HS3ST4: variants seen among roughly 807,000 people sequenced by gnomAD.
The protein encoded by HS3ST4 is heparan sulfate-glucosamine 3-sulfotransferase 4.
A neutral mutation model predicts 29.2 loss-of-function variants in HS3ST4; 17 were observed. That is an observed-to-expected ratio of 0.58 (90% CI 0.40 to 0.87). The LOEUF is 0.87. Among genes scored for constraint, HS3ST4 ranks in the 40% least tolerant of loss-of-function variants. The pLI is 0.00. For synonymous variants in HS3ST4, 314 were observed against 285.7 expected, an observed-to-expected ratio of 1.10 and a Z score of -1.00; for missense variants, 627 against 634.5, an observed-to-expected ratio of 0.99 and a Z score of 0.13.
chr16:25,709,383 T>G (rs1966400627), intron 1 of HS3ST4, among the ~76,000 whole-genome samples: 1 of 152,156 alleles, frequency 6.6e-6, no homozygotes, highest in South Asian at 2.1e-4. Context: ...ACTGCCTCCC[T>G]GGAGCCTAGG....
At chr16:25,760,378 A>G (rs1204190968) in intron 1 of HS3ST4, among the ~76,000 whole-genome samples, 1 of 150,796 alleles carries the variant, frequency 6.6e-6, no homozygotes, top group Non-Finnish European at 1.5e-5. Flanking sequence ...CTTTTGTTAT[A>G]AGAACACCTG....
chr16:25,843,915 C>G (rs1464630002), intron 1 of HS3ST4, among the ~76,000 whole-genome samples: 1 of 152,164 alleles, frequency 6.6e-6, no homozygotes, highest in Non-Finnish European at 1.5e-5. Flanking sequence ...AATGGCCTCT[C>G]TCATGTTGCC....
At chr16:26,042,112 T>C (rs1050432677) in intron 1 of HS3ST4, among the ~76,000 whole-genome samples, 3 of 152,164 alleles carry the variant, frequency 2.0e-5, no homozygotes, top group Non-Finnish European at 4.4e-5. Context: ...AGATCACAGA[T>C]AGGCATTCTG....
intron 1 of HS3ST4, among the ~76,000 whole-genome samples, chr16:26,099,699 A>G (rs1163361056): frequency 2.0e-5 from 3 of 152,190 alleles, no homozygotes; most frequent in African/African-American, 7.2e-5. Flanking sequence ...GGTACTAGGA[A>G]TAGAGCAGTG....
intron 1 of HS3ST4, among the ~76,000 whole-genome samples, chr16:25,706,061 G>A (rs2141582751): frequency 6.6e-6 from 1 of 152,326 alleles, no homozygotes; most frequent in East Asian, 1.9e-4. Flanking sequence ...TTTATAGCAT[G>A]GATATCAAAC....
chr16:25,799,855 T>C (rs753674385), intron 1 of HS3ST4, among the ~76,000 whole-genome samples: 33 of 152,124 alleles, frequency 2.2e-4, no homozygotes, highest in Non-Finnish European at 4.4e-4. Flanking sequence ...TATCTATCCA[T>C]TTTTTTAGAA....
At chr16:25,723,437 A>G (rs1274659685) in intron 1 of HS3ST4, among the ~76,000 whole-genome samples, 1 of 152,196 alleles carries the variant, frequency 6.6e-6, no homozygotes, top group Non-Finnish European at 1.5e-5. Flanking sequence ...CTAACATTGG[A>G]TGGTTATTTA....
chr16:25,843,102 A>T (rs577741703), intron 1 of HS3ST4, among the ~76,000 whole-genome samples: 2 of 152,320 alleles, frequency 1.3e-5, no homozygotes, highest in East Asian at 3.9e-4. Flanking sequence ...ATTGCTGCAT[A>T]TGAACCACCC....
intron 1 of HS3ST4, among the ~76,000 whole-genome samples, chr16:25,897,563 G>T (rs4075046): frequency 0.68 from 103,609 of 152,006 alleles, 35,546 homozygotes; most frequent in East Asian, 0.83. Flanking sequence ...GCGTGATCAT[G>T]GGCAAGTCAC....
chr16:25,998,432 T>C (rs1197224924), intron 1 of HS3ST4, among the ~76,000 whole-genome samples: 4 of 152,214 alleles, frequency 2.6e-5, no homozygotes, highest in Non-Finnish European at 5.9e-5. Context: ...CATCACACTT[T>C]GGAGTCATAT....
intron 1 of HS3ST4, among the ~76,000 whole-genome samples, chr16:26,010,024 AT>A (rs1176546436): frequency 6.6e-6 from 1 of 152,142 alleles, no homozygotes; most frequent in African/African-American, 2.4e-5. Flanking sequence ...TTCAACTAAC[AT>A]TTTAAGAATC....
rs114607295 is a variant in HS3ST4 at position 25,740,189 on chromosome 16, C to T, written c.734+47038C>T. Among the ~76,000 whole-genome samples the T allele has an allele frequency of 2.1e-3, 318 of 152,158 alleles. 1 individual carries two copies. Among genetic ancestry groups the T allele is most frequent in the African/African-American group, 7.4e-3 (307 of 41,504 alleles). ...AGGATTGGGGTCATGAGGCACTGGA[C>T]TACCGTCGTGGCAATGGCAGTAGAA... On this transcript the variant is annotated intron_variant, in intron 1 of 1. Transcript: ENST00000331351.
At chr16:25,829,453 G>A (rs1377991247) in intron 1 of HS3ST4, among the ~76,000 whole-genome samples, 1 of 152,164 alleles carries the variant, frequency 6.6e-6, no homozygotes, top group East Asian at 1.9e-4. Flanking sequence ...TGTGCAGAAT[G>A]TGCAGGTTTG....
At chr16:26,059,254 C>CCCTT (rs1182850854) in intron 1 of HS3ST4, among the ~76,000 whole-genome samples, 2 of 151,780 alleles carry the variant, frequency 1.3e-5, no homozygotes, top group Admixed American at 1.3e-4. Context: ...GCTGTTTTTT[C>CCCTT]CCTTCCTCCT....
intron 1 of HS3ST4, among the ~76,000 whole-genome samples, chr16:25,944,320 T>C (rs181349821): frequency 6.6e-6 from 1 of 152,316 alleles, no homozygotes; most frequent in East Asian, 1.9e-4. Flanking sequence ...GGGTCTTTTA[T>C]GTGGCAGAAA....
chr16:26,090,894 A>C (rs1001342598), intron 1 of HS3ST4, among the ~76,000 whole-genome samples: 1 of 152,192 alleles, frequency 6.6e-6, no homozygotes, highest in African/African-American at 2.4e-5. Context: ...AATGAGGTGC[A>C]TGCCTGACTC....
At chr16:25,916,382 G>A (rs113947377) in intron 1 of HS3ST4, among the ~76,000 whole-genome samples, 6 of 151,310 alleles carry the variant, frequency 4.0e-5, no homozygotes, top group African/African-American at 1.5e-4. Context: ...TTTTTTTTGA[G>A]ACAGAGTTTC....
At chr16:26,080,507 C>G (rs1898712548) in intron 1 of HS3ST4, among the ~76,000 whole-genome samples, 1 of 151,984 alleles carries the variant, frequency 6.6e-6, no homozygotes, top group South Asian at 2.1e-4. Context: ...CCAGGAAACA[C>G]AAATAGAGGC....
chr16:25,842,548 C>T (rs1967426360), intron 1 of HS3ST4, among the ~76,000 whole-genome samples: 1 of 152,164 alleles, frequency 6.6e-6, no homozygotes, highest in African/African-American at 2.4e-5. Flanking sequence ...CCTGGACTGG[C>T]ATGTTTTAGA....
Sources: allele counts gnomAD v4.1 joint callset (sites outside exome capture counted in the v4.1 genomes callset), GRCh38; gene constraint gnomAD v4.1.1; transcripts MANE v1.5; gene names NCBI Gene and HGNC (gene_info 2026-07-23, HGNC 2026-07-21).